Variants in ZMYM6 observed in about 807,000 individuals in gnomAD.
ZMYM6 encodes the protein zinc finger MYM-type containing 6.
Under a neutral mutation model 134.0 loss-of-function variants are expected in ZMYM6, and 90 were observed. That is an observed-to-expected ratio of 0.67 (90% CI 0.57 to 0.80). The LOEUF (loss-of-function observed/expected upper bound fraction) is 0.80, where lower values mean the gene tolerates loss of function less well. Among genes scored for constraint, ZMYM6 ranks in the 30% least tolerant of loss-of-function variants. The pLI is 0.00. For missense variants in ZMYM6, 1,362 were observed against 1,533.9 expected (o/e 0.89, Z 1.87); for synonymous variants, 481 against 524.1 (o/e 0.92, Z 1.12).
At chr1:34,992,027 G>A in intron 15 of ZMYM6, 1 of 656,486 alleles carries the variant, frequency 1.5e-6, no homozygotes, top group South Asian at 1.7e-5. Context: ...CTGTATGTTA[G>A]TAATTATAAT....
At chr1:34,990,862 C>T (rs1039840798) in intron 15 of ZMYM6, among the ~76,000 whole-genome samples, 3 of 151,402 alleles carry the variant, frequency 2.0e-5, no homozygotes, top group South Asian at 2.1e-4. Context: ...AGAAAACATT[C>T]GAGATTTATT....
At chr1:35,014,329 G>A (rs1641143679) in intron 6 of ZMYM6, among the ~76,000 whole-genome samples, 1 of 152,166 alleles carries the variant, frequency 6.6e-6, no homozygotes, top group Admixed American at 6.5e-5. Context: ...AGGCCGAGGT[G>A]TGGTTGCTCA....
chr1:35,012,603 A>AG, intron 6 of ZMYM6, 22 bp from the exon 7 acceptor site: 1 of 1,611,764 alleles, frequency 6.2e-7, no homozygotes, highest in Non-Finnish European at 8.5e-7. Context: ...AAATAACATT[A>AG]GATACCTAGT....
rs1357550118 is a variant in ZMYM6 at position 34,998,777 on chromosome 1, T to C, written c.1992+5191A>G. ...AGCTCAAAGGTCAGGGTAAGAGAAA[T>C]AAATCTAAATAAATCTAGAAGGAAT... On this transcript the variant is annotated intron_variant, in intron 14 of 15. Coordinates refer to ENST00000357182, the MANE Select transcript of ZMYM6 (RefSeq NM_007167.4). 2.0e-5 allele frequency among the ~76,000 whole-genome samples: 3 copies of C among 152,178 alleles called. No individual in the cohort carries two copies. In the East Asian group the frequency reaches 5.8e-4, roughly 29 times the overall value.
rs547882284 is a variant in ZMYM6, at chr1:35,000,173, T to C, written c.1992+3795A>G. 7.9e-5 allele frequency among the ~76,000 whole-genome samples: 12 copies of C among 152,178 alleles called. No homozygotes were observed. The East Asian group carries it at 1.4e-3, about 17-fold the overall frequency. The stretch of plus-strand genomic sequence containing the variant: ...CTGGTCTCAAACTCCTGGACTCAAG[T>C]GATCCTTGGCGTCCCAAAGTGCTGG... On this transcript the variant is annotated intron_variant, in intron 14 of 15. Transcript: ENST00000357182.
intron 2 of ZMYM6, among the ~76,000 whole-genome samples, chr1:35,027,251 G>A (rs995883763): frequency 6.6e-6 from 1 of 152,148 alleles, no homozygotes; most frequent in Non-Finnish European, 1.5e-5. Context: ...ACACTGGAGA[G>A]GGAAACAAAG....
In ZMYM6 at chr1:34,989,199, G is replaced by T. The variant is rs552788545; in HGVS notation, c.2147-264C>A. On this transcript the variant is annotated intron_variant, in intron 15 of 15. Transcript: ENST00000357182. ...ACAAGTAATCCCAAGCACCCAATAG[G>T]TTATTGAAATTAGGGCTGAAGACCA... 2.5e-6 allele frequency: 3 copies of T among 1,184,820 alleles called. No individual in the cohort carries two copies. The East Asian group carries it at 1.5e-4, about 60-fold the overall frequency. 73.4% of individuals were successfully genotyped at this position (1,184,820 alleles called of 1,614,324 possible).
intron 3 of ZMYM6, 88 bp downstream of exon 3, chr1:35,020,295 G>A: frequency 8.4e-7 from 1 of 1,183,984 alleles, no homozygotes; most frequent in Non-Finnish European, 1.2e-6. Context: ...GAAAGAGAAA[G>A]ACATACATGA....
intron 12 of ZMYM6, among the ~76,000 whole-genome samples, chr1:35,005,516 T>C (rs1253829554): frequency 6.6e-6 from 1 of 151,366 alleles, no homozygotes; most frequent in Non-Finnish European, 1.5e-5. Flanking sequence ...AATACAGGTA[T>C]TGGATACAGT....
intron 2 of ZMYM6, among the ~76,000 whole-genome samples, chr1:35,023,692 G>A (rs1464251859): frequency 1.3e-5 from 2 of 149,122 alleles, no homozygotes; most frequent in Non-Finnish European, 3.0e-5. Flanking sequence ...GACGATCTCG[G>A]CTCACTACAA....
At chr1:34,999,713 C>A (rs944501635) in intron 14 of ZMYM6, among the ~76,000 whole-genome samples, 7 of 151,952 alleles carry the variant, frequency 4.6e-5, no homozygotes, top group Non-Finnish European at 1.0e-4. Flanking sequence ...AATAAGATAC[C>A]ACCAAACAGA....
chr1:35,011,137 AT>A, intron 8 of ZMYM6, 101 bp from the exon 9 acceptor site: 1 of 1,261,612 alleles, frequency 7.9e-7, no homozygotes, highest in Non-Finnish European at 1.1e-6. Context: ...TCCCACAAAC[AT>A]TTTTTAAAAT....
rs748543642 is a variant in ZMYM6 at position 34,988,643 on chromosome 1, A to G, written c.2439T>C (p.Cys813=). ...AACACTTTTTTAAAGAACTATTTTGACATTCCATTTCTAAAGATTTTTGTT... is the reference window on the plus strand; with the variant it reads ...AACACTTTTTTAAAGAACTATTTTGGCATTCCATTTCTAAAGATTTTTGTT... ...FFEQKSLEME[C]QNSSLKKCLL... is the part of the protein sequence containing the mutation. Residue 813 remains cysteine (C), a synonymous_variant, in exon 16 of 16, where the codon TGT becomes TGC. Coordinates refer to ENST00000357182, the MANE Select transcript of ZMYM6 (RefSeq NM_007167.4). 10 of 1,548,028 alleles carry G rather than the reference A, an allele frequency of 6.5e-6. No individual in the cohort carries two copies. Among genetic ancestry groups the G allele is most frequent in the Non-Finnish European group, 1.7e-6 (2 of 1,145,882 alleles).
Position 34,992,422 on chromosome 1 carries a change from T to C in ZMYM6, c.1993-35A>G, listed in dbSNP as rs778562999. On this transcript the variant is annotated intron_variant, in intron 14 of 15. Transcript: ENST00000357182. ...AGCAAATTCAGAAACCAAAGAAAGA[T>C]TTTTTTTAGTACCTTATCACTGACT... 3.6e-5 allele frequency: 57 copies of C among 1,592,496 alleles called. 1 individual carries two copies. Among genetic ancestry groups the C allele is most frequent in the East Asian group, 2.3e-4 (10 of 44,432 alleles).
chr1:35,004,185 A>T (rs7531831), intron 13 of ZMYM6, among the ~76,000 whole-genome samples, 180 bp from the exon 14 acceptor site: 32,780 of 152,138 alleles, frequency 0.22, 8,411 homozygotes, highest in African/African-American at 0.61. Flanking sequence ...TAAGGATTCC[A>T]GGGCCCCAAT....
At chr1:35,023,953 C>T (rs1468274893) in intron 2 of ZMYM6, among the ~76,000 whole-genome samples, 1 of 152,130 alleles carries the variant, frequency 6.6e-6, no homozygotes, top group African/African-American at 2.4e-5. Flanking sequence ...GCCTTATCAA[C>T]TCAATTTCTA....
At chr1:35,013,506 T>G in intron 6 of ZMYM6, 2 of 985,388 alleles carry the variant, frequency 2.0e-6, no homozygotes, top group Non-Finnish European at 2.4e-6. Flanking sequence ...TAAAATAACA[T>G]GGATTCTTTT....
chr1:35,001,740 T>A (rs1640885050), intron 14 of ZMYM6, among the ~76,000 whole-genome samples: 1 of 152,208 alleles, frequency 6.6e-6, no homozygotes, highest in South Asian at 2.1e-4. Context: ...CAGTTAATTA[T>A]CTAATGTGGT....
chr1:34,995,788 A>G (rs937761610), intron 14 of ZMYM6, among the ~76,000 whole-genome samples: 21 of 152,216 alleles, frequency 1.4e-4, no homozygotes, highest in African/African-American at 5.1e-4. Flanking sequence ...TGGCACTACT[A>G]TATATCCTTC....
Sources: gnomAD v4.1 joint callset for allele counts (sites outside exome capture counted in the v4.1 genomes callset) on GRCh38, gnomAD v4.1.1 for gene constraint, MANE v1.5 for transcripts, NCBI Gene and HGNC (gene_info 2026-07-23, HGNC 2026-07-21) for gene names.